The following THSD4 variants were observed in gnomAD, a reference collection of about 807,000 sequenced individuals.
The protein encoded by THSD4 is thrombospondin type-1 domain-containing protein 4.
Under a neutral mutation model 119.0 loss-of-function variants are expected in THSD4, and 69 were observed. The ratio of observed to expected loss-of-function variants is 0.58; its 90% CI spans 0.48 to 0.71. THSD4 has a LOEUF of 0.71. Ranked by LOEUF, THSD4 falls within the 30% of genes least tolerant of loss-of-function variation. The pLI is 0.00. For missense variants in THSD4, 1,393 were observed against 1,391.1 expected, an observed-to-expected ratio of 1.00 and a Z score of -0.02; for synonymous variants, 524 against 540.4, an observed-to-expected ratio of 0.97 and a Z score of 0.42.
At chr15:71,483,641 T>C (rs371165634) in intron 7 of THSD4, among the ~76,000 whole-genome samples, 11 of 152,336 alleles carry the variant, frequency 7.2e-5, no homozygotes, top group African/African-American at 2.4e-4. Flanking sequence ...GCAGGTTTGT[T>C]ACATAGGTAA....
chr15:71,303,975 C>T (rs1007227444), intron 6 of THSD4, among the ~76,000 whole-genome samples: 8 of 152,146 alleles, frequency 5.3e-5, no homozygotes, highest in African/African-American at 1.2e-4. Context: ...CTGGCTATGA[C>T]CTTCAGGATC....
intron 11 of THSD4, among the ~76,000 whole-genome samples, chr15:71,742,647 G>A (rs2053258892): frequency 1.3e-5 from 2 of 152,144 alleles, no homozygotes; most frequent in South Asian, 4.1e-4. Context: ...AGCAAATAGA[G>A]GAATAATTGA....
chr15:71,406,872 T>C (rs1006142998), intron 6 of THSD4, among the ~76,000 whole-genome samples: 1 of 151,912 alleles, frequency 6.6e-6, no homozygotes, highest in Non-Finnish European at 1.5e-5. Flanking sequence ...TTAATAAAGA[T>C]AGGGTTTTGC....
rs2053938293 is a variant in THSD4 at position 71,777,605 on chromosome 15, C to T, written c.*231C>T. The T allele has an allele frequency of 1.8e-6, 1 of 561,704 alleles. No individual in the cohort carries two copies. Among genetic ancestry groups the T allele is most frequent in the Non-Finnish European group, 3.2e-6 (1 of 317,076 alleles). The allele number at this position is 561,704 out of a possible 1,614,324, so 34.8% of individuals were successfully genotyped here. A position where few individuals can be genotyped will look rare whatever the true frequency, so the allele number is the denominator to read the frequency against. On this transcript the variant is annotated 3_prime_UTR_variant, in exon 18 of 18. Coordinates refer to ENST00000261862, the MANE Select transcript of THSD4 (RefSeq NM_024817.3). ...AAGCATCACCATGTACTGATGATCCCCTCCTTGGACCTGGCATCTGCTAAT... is the reference window on the plus strand; with the variant it reads ...AAGCATCACCATGTACTGATGATCCTCTCCTTGGACCTGGCATCTGCTAAT...
chr15:71,305,738 G>A (rs1355001713), intron 6 of THSD4, among the ~76,000 whole-genome samples: 1 of 152,172 alleles, frequency 6.6e-6, no homozygotes. Context: ...AAATGGATGA[G>A]TAGAGGGAAA....
intron 7 of THSD4, among the ~76,000 whole-genome samples, chr15:71,495,858 C>A (rs1208051328): frequency 3.3e-5 from 5 of 152,198 alleles, no homozygotes; most frequent in Admixed American, 3.3e-4. Context: ...CAGGAAAAGA[C>A]CATGCGTCTC....
chr15:71,217,777 C>G (rs2043946633), intron 4 of THSD4, among the ~76,000 whole-genome samples: 1 of 149,036 alleles, frequency 6.7e-6, no homozygotes, highest in Non-Finnish European at 1.5e-5. Context: ...CCATCCTGTA[C>G]CAGGCACTGT....
intron 7 of THSD4, among the ~76,000 whole-genome samples, chr15:71,433,005 A>G (rs1202608450): frequency 6.6e-6 from 1 of 151,912 alleles, no homozygotes; most frequent in Non-Finnish European, 1.5e-5. Context: ...TTTAACTCTT[A>G]GTAACCTTAA....
At chr15:71,372,225 C>T (rs1453298294) in intron 6 of THSD4, among the ~76,000 whole-genome samples, 1 of 152,200 alleles carries the variant, frequency 6.6e-6, no homozygotes, top group Non-Finnish European at 1.5e-5. Flanking sequence ...TGGGTTCGAA[C>T]TTCCTTCTTT....
chr15:71,598,719 G>A (rs1430004636), intron 7 of THSD4, among the ~76,000 whole-genome samples: 2 of 152,096 alleles, frequency 1.3e-5, no homozygotes, highest in Non-Finnish European at 2.9e-5. Flanking sequence ...CTGGGCTCAG[G>A]TGATCCTCCT....
intron 7 of THSD4, among the ~76,000 whole-genome samples, chr15:71,446,121 T>G (rs751567024): frequency 3.8e-4 from 58 of 152,212 alleles, no homozygotes; most frequent in Non-Finnish European, 7.8e-4. Flanking sequence ...AATATAAATG[T>G]CAATATCAAT....
chr15:71,381,576 C>T (rs1312623899), intron 6 of THSD4, among the ~76,000 whole-genome samples: 1 of 152,158 alleles, frequency 6.6e-6, no homozygotes, highest in Non-Finnish European at 1.5e-5. Context: ...CCATCCTTTC[C>T]ATGAACCTCC....
At chr15:71,244,107 AACTC>A (rs777274118) in intron 5 of THSD4, among the ~76,000 whole-genome samples, 3 of 152,088 alleles carry the variant, frequency 2.0e-5, no homozygotes, top group Admixed American at 6.5e-5. Flanking sequence ...TTTTTCTACT[AACTC>A]CATTTCATCT....
intron 8 of THSD4, among the ~76,000 whole-genome samples, chr15:71,708,443 G>A (rs2052437132): frequency 6.6e-6 from 1 of 152,146 alleles, no homozygotes; most frequent in Non-Finnish European, 1.5e-5. Context: ...CCTGTAGTAG[G>A]GTCAGTAATG....
chr15:71,471,301 T>C (rs1336788289), intron 7 of THSD4, among the ~76,000 whole-genome samples: 1 of 152,070 alleles, frequency 6.6e-6, no homozygotes, highest in Non-Finnish European at 1.5e-5. Flanking sequence ...TGTCCAAAAA[T>C]CAGACTCATG....
At chr15:71,766,130 G>A (rs932454916) in intron 16 of THSD4, among the ~76,000 whole-genome samples, 2 of 152,108 alleles carry the variant, frequency 1.3e-5, no homozygotes, top group African/African-American at 2.4e-5. Context: ...GAGAGAGATT[G>A]ATAAATACAG....
At chr15:71,483,361 G>A (rs1490082340) in intron 7 of THSD4, among the ~76,000 whole-genome samples, 1 of 152,068 alleles carries the variant, frequency 6.6e-6, no homozygotes, top group East Asian at 1.9e-4. Flanking sequence ...ATCTATGTTG[G>A]TTTCATAATA....
intron 3 of THSD4, chr15:71,164,859 C>G: frequency 1.3e-6 from 2 of 1,577,404 alleles, no homozygotes; most frequent in Non-Finnish European, 1.7e-6. Flanking sequence ...TCTTCCTCCT[C>G]TTCCTTCTTT....
chr15:71,254,807 C>T (rs1453653024), intron 5 of THSD4, among the ~76,000 whole-genome samples: 1 of 152,200 alleles, frequency 6.6e-6, no homozygotes, highest in Admixed American at 6.5e-5. Context: ...CCCTAGGAGA[C>T]AGGCTTCTGT....
Sources: allele counts gnomAD v4.1 joint callset (sites outside exome capture counted in the v4.1 genomes callset), GRCh38; gene constraint gnomAD v4.1.1; transcripts MANE v1.5; gene names NCBI Gene and HGNC (gene_info 2026-07-23, HGNC 2026-07-21).